SGCE: variants seen among roughly 807,000 people sequenced by gnomAD.
SGCE encodes the protein sarcoglycan epsilon.
SGCE carries 26 observed loss-of-function variants against 57.8 expected under a neutral mutation model. The observed-to-expected ratio is 0.45, with a 90% confidence interval of 0.33 to 0.62. The LOEUF is 0.62. Among genes scored for constraint, SGCE ranks in the 20% least tolerant of loss-of-function variants. The pLI is 0.02. For missense variants in SGCE, 468 were observed against 548.6 expected (o/e 0.85, Z 1.47); for synonymous variants, 183 against 189.5 (o/e 0.97, Z 0.28).
intron 1 of SGCE, among the ~76,000 whole-genome samples, chr7:94,632,737 T>C (rs1804908678): frequency 6.6e-6 from 1 of 152,100 alleles, no homozygotes; most frequent in Non-Finnish European, 1.5e-5. Flanking sequence ...ATTTGTTACT[T>C]GCAAAACAAA....
chr7:94,585,940 A>G (rs950401289), intron 10 of SGCE, among the ~76,000 whole-genome samples: 3 of 151,732 alleles, frequency 2.0e-5, no homozygotes, highest in Non-Finnish European at 4.4e-5. Flanking sequence ...AGTTAGTGCA[A>G]TTGTCAGCTT....
At chr7:94,588,511 G>C (rs1797213700) in intron 10 of SGCE, 178 bp downstream of exon 10, 2 of 1,430,410 alleles carry the variant, frequency 1.4e-6, no homozygotes. Context: ...TCATTCTGAT[G>C]CCAATCTATG....
Position 94,598,839 on chromosome 7 carries a change from T to A in SGCE, c.1189A>T (p.Ile397Phe), listed in dbSNP as rs1182285006. 6.2e-7 allele frequency: 1 copy of A among 1,613,428 alleles called. No individual in the cohort carries two copies. Among genetic ancestry groups the A allele is most frequent in the East Asian group, 2.2e-5 (1 of 44,866 alleles). Residue 397 changes from isoleucine to phenylalanine, a missense_variant, in exon 9 of 11, where the codon ATC becomes TTC. Physicochemically the swap from Ile to Phe is conservative, Grantham distance 21. Transcript: ENST00000648936. Reference sequence around the variant, plus strand: ...TTGTCTGTGTGTAAAGGAGGTATGATTTCCCCAGTCACAGGGTGGAACACA... The same window carrying A: ...TTGTCTGTGTGTAAAGGAGGTATGAATTCCCCAGTCACAGGGTGGAACACA... Reference protein sequence around the residue: ...LPVFHPVTGEIIPPLHTDNYD... With the variant: ...LPVFHPVTGEFIPPLHTDNYD...
At chr7:94,648,714 A>G (rs74595744) in intron 1 of SGCE, among the ~76,000 whole-genome samples, 11,548 of 152,298 alleles carry the variant, frequency 0.076, 524 homozygotes, top group East Asian at 0.17. Context: ...AGAAAAGCCA[A>G]TGTCATTTTA....
At chr7:94,585,585 G>A in intron 10 of SGCE, 70 bp from the exon 11 acceptor site, 1 of 947,598 alleles carries the variant, frequency 1.1e-6, no homozygotes. Context: ...TTTGAGCAAA[G>A]CAAATTATGG....
intron 1 of SGCE, chr7:94,644,748 A>G (rs1054356717): frequency 1.9e-6 from 1 of 536,104 alleles, no homozygotes; most frequent in Non-Finnish European, 3.1e-6. Flanking sequence ...TTCTCTTACC[A>G]TCCCCATCCA....
At chr7:94,606,295 A>G (rs1201785932) in intron 5 of SGCE, among the ~76,000 whole-genome samples, 1 of 152,228 alleles carries the variant, frequency 6.6e-6, no homozygotes, top group African/African-American at 2.4e-5. Flanking sequence ...AAGATATACT[A>G]TGCTAACAAT....
chr7:94,629,593 AATTTATCACATATTTAGACC>A, intron 2 of SGCE, 106 bp downstream of exon 2: 1 of 861,976 alleles, frequency 1.2e-6, no homozygotes, highest in South Asian at 1.5e-5. Flanking sequence ...ATCCTACAAC[AATTTATCACATATTTAGACC>A]ATTTGAAATA....
At chr7:94,602,108 A>G (rs150418950) in intron 6 of SGCE, among the ~76,000 whole-genome samples, 92 of 152,234 alleles carry the variant, frequency 6.0e-4, no homozygotes, top group Middle Eastern at 3.4e-3. Context: ...CAGAACAACC[A>G]CAAGTAAAAT....
At chr7:94,602,411 C>A (rs1460155124) in intron 6 of SGCE, among the ~76,000 whole-genome samples, 1 of 152,118 alleles carries the variant, frequency 6.6e-6, no homozygotes, top group African/African-American at 2.4e-5. Context: ...CAGGATGCAG[C>A]TGGCTCTCTA....
At chr7:94,619,124 A>C (rs1255308093) in intron 4 of SGCE, 168 bp from the exon 5 acceptor site, 1 of 619,926 alleles carries the variant, frequency 1.6e-6, no homozygotes, top group Non-Finnish European at 2.9e-6. Context: ...GTATCTAAAA[A>C]CATAACTGAC....
intron 1 of SGCE, among the ~76,000 whole-genome samples, chr7:94,650,575 T>C (rs1281259880): frequency 6.6e-6 from 1 of 151,478 alleles, no homozygotes; most frequent in Non-Finnish European, 1.5e-5. Context: ...TTGCAACACA[T>C]AGGGCTATTT....
chr7:94,600,096 CTTAA>C, intron 7 of SGCE: 1 of 211,194 alleles, frequency 4.7e-6, no homozygotes, highest in Non-Finnish European at 9.4e-6. Flanking sequence ...GGGAGATTAC[CTTAA>C]TTGACATAGA....
intron 1 of SGCE, among the ~76,000 whole-genome samples, chr7:94,636,044 A>T (rs142157192): frequency 1.3e-5 from 2 of 152,308 alleles, no homozygotes; most frequent in East Asian, 3.9e-4. Context: ...TTTTCTTTAC[A>T]TGAAGTAGGA....
At chr7:94,592,744 G>A (rs190696595) in intron 9 of SGCE, among the ~76,000 whole-genome samples, 56 of 152,130 alleles carry the variant, frequency 3.7e-4, no homozygotes, top group African/African-American at 8.9e-4. Flanking sequence ...ACCCTATACC[G>A]TAATTCTGTG....
chr7:94,590,280 A>T (rs901978529), intron 9 of SGCE, among the ~76,000 whole-genome samples: 8 of 152,102 alleles, frequency 5.3e-5, no homozygotes, highest in South Asian at 2.1e-4. Flanking sequence ...ATTTTTAATT[A>T]AAAAAATCTC....
intron 9 of SGCE, among the ~76,000 whole-genome samples, chr7:94,595,721 A>G (rs1798298097): frequency 6.6e-6 from 1 of 152,154 alleles, no homozygotes; most frequent in Non-Finnish European, 1.5e-5. Flanking sequence ...GTAAAAGTTG[A>G]ATTTGCATAA....
chr7:94,597,546 T>C (rs1210384238), intron 9 of SGCE: 1 of 150,642 alleles, frequency 6.6e-6, no homozygotes, highest in African/African-American at 2.4e-5. Flanking sequence ...TATGTGTCTG[T>C]GTGTATGAGA....
At position 94,588,649 on chromosome 7, in the gene SGCE, A is replaced by C. The variant is rs373555550; in HGVS notation, c.1297+40T>G. 5.1e-6 allele frequency: 8 copies of C among 1,569,970 alleles called. No homozygotes were observed. The Admixed American group carries it at 1.0e-4, about 20-fold the overall frequency. ...CCATAATTATCTTTTAATCTATTAG[A>C]TTCATTCATAAACATTAATTTATTA... On this transcript the variant is annotated intron_variant, in intron 10 of 10. Transcript: ENST00000648936.
Sources: allele counts gnomAD v4.1 joint callset (sites outside exome capture counted in the v4.1 genomes callset), GRCh38; gene constraint gnomAD v4.1.1; transcripts MANE v1.5; gene names NCBI Gene and HGNC (gene_info 2026-07-23, HGNC 2026-07-21).